SLIT3: variants seen among roughly 807,000 people sequenced by gnomAD.
The protein encoded by SLIT3 is slit homolog 3 protein.
Under a neutral mutation model 184.0 loss-of-function variants are expected in SLIT3, and 68 were observed. The ratio of observed to expected loss-of-function variants is 0.37; its 90% confidence interval spans 0.30 to 0.45. The LOEUF is 0.45. Ranked by LOEUF, SLIT3 falls within the 20% of genes least tolerant of loss-of-function variation. The probability of loss-of-function intolerance (pLI) is 1.00; values close to 1 mark genes in which losing one functional copy is unlikely to be tolerated. For missense variants in SLIT3, 1,707 were observed against 2,026.0 expected, an observed-to-expected ratio of 0.84 and a Z score of 3.02; for synonymous variants, 831 against 828.6, an observed-to-expected ratio of 1.00 and a Z score of -0.05.
intron 4 of SLIT3, among the ~76,000 whole-genome samples, chr5:169,101,098 T>C (rs1759993860): frequency 6.6e-6 from 1 of 152,228 alleles, no homozygotes; most frequent in Non-Finnish European, 1.5e-5. Flanking sequence ...CTGAGTGCCA[T>C]GGGAGGCTGA....
intron 8 of SLIT3, among the ~76,000 whole-genome samples, chr5:168,809,091 G>A (rs537117260): frequency 6.6e-6 from 1 of 152,254 alleles, no homozygotes; most frequent in Admixed American, 6.5e-5. Flanking sequence ...GGGAAAGAAA[G>A]ATACCATATT....
chr5:169,161,592 A>G (rs1432354361), intron 4 of SLIT3, among the ~76,000 whole-genome samples: 1 of 152,052 alleles, frequency 6.6e-6, no homozygotes, highest in African/African-American at 2.4e-5. Flanking sequence ...CCGGCTGACC[A>G]TACTGATATC....
chr5:168,866,175 C>T (rs759402828), intron 5 of SLIT3, among the ~76,000 whole-genome samples: 2 of 152,330 alleles, frequency 1.3e-5, no homozygotes, highest in East Asian at 1.9e-4. Context: ...AAAGTGCAGG[C>T]GGAGTCAGCA....
chr5:168,786,436 C>T (rs1425500358), intron 11 of SLIT3, among the ~76,000 whole-genome samples: 2 of 152,168 alleles, frequency 1.3e-5, no homozygotes, highest in Non-Finnish European at 2.9e-5. Flanking sequence ...GTCATTTAAT[C>T]ATCCATCTAG....
At position 168,935,206 on chromosome 5, in the gene SLIT3, C is replaced by T. The variant is rs1431470212; in HGVS notation, c.414-51870G>A. Among the ~76,000 whole-genome samples, 4 of 152,040 alleles carry T rather than the reference C, an allele frequency of 2.6e-5. No individual in the cohort carries two copies. The South Asian group carries it at 6.2e-4, about 24-fold the overall frequency. ...ATAACCCTATTAAAGAGGTATTGCC[C>T]TCATTTTTCAGATGAGAAGTTGAGA... On this transcript the variant is annotated intron_variant, in intron 4 of 35. Coordinates refer to ENST00000519560, the MANE Select transcript of SLIT3 (RefSeq NM_003062.4).
rs1184745178 is a variant in SLIT3, at chr5:168,749,601, G to A, written c.2008C>T (p.His670Tyr). 6.8e-6 allele frequency: 11 copies of A among 1,614,204 alleles called. No homozygotes were observed. Among genetic ancestry groups the A allele is most frequent in the Non-Finnish European group, 9.3e-6 (11 of 1,180,026 alleles). ...LLSNPFNCNC[H>Y]LAWLGKWLRK... ...AACCACTTGCCGAGCCAGGCCAGGTGGCAGTTGCAGTTGAAGGGGTTGGAC... is the reference window on the plus strand; with the variant it reads ...AACCACTTGCCGAGCCAGGCCAGGTAGCAGTTGCAGTTGAAGGGGTTGGAC... Residue 670 changes from histidine (H) to tyrosine (Y), a missense_variant, in exon 19 of 36, where the codon CAC becomes TAC. Physicochemically the swap from His to Tyr is moderately conservative, Grantham distance 83 (BLOSUM62 2). Transcript: ENST00000519560.
At chr5:168,905,310 A>G (rs1761011476) in intron 4 of SLIT3, among the ~76,000 whole-genome samples, 1 of 152,172 alleles carries the variant, frequency 6.6e-6, no homozygotes, top group South Asian at 2.1e-4. Flanking sequence ...GTGCAAATGT[A>G]CCTAGATCCT....
chr5:169,219,428 AC>A (rs1764550993), intron 3 of SLIT3, among the ~76,000 whole-genome samples: 1 of 152,374 alleles, frequency 6.6e-6, no homozygotes, highest in Admixed American at 6.5e-5. Flanking sequence ...AACTGAAGTT[AC>A]GTGTCATACA....
At position 168,933,295 on chromosome 5, in the gene SLIT3, G is replaced by C. The variant is rs899709463; in HGVS notation, c.414-49959C>G. Among the ~76,000 whole-genome samples the C allele has an allele frequency of 5.1e-4, 78 of 152,274 alleles. 1 individual carries two copies. The highest frequency in any genetic ancestry group is 2.9e-3 in the Admixed American group (45 of 15,294). On this transcript the variant is annotated intron_variant, in intron 4 of 35. Coordinates refer to ENST00000519560, the MANE Select transcript of SLIT3 (RefSeq NM_003062.4). The stretch of plus-strand genomic sequence containing the variant: ...GCGGTGGCTCAAGCCTGTAATCCTG[G>C]CACTTTGGGAGGCCAAGGCGGGTGG...
intron 4 of SLIT3, among the ~76,000 whole-genome samples, chr5:169,044,738 T>C (rs1002976882): frequency 4.6e-5 from 7 of 152,132 alleles, no homozygotes; most frequent in Non-Finnish European, 7.4e-5. Flanking sequence ...GTGAATCTTA[T>C]GTTAAACTAT....
intron 4 of SLIT3, among the ~76,000 whole-genome samples, chr5:169,140,920 C>A (rs995976143): frequency 6.6e-6 from 1 of 152,188 alleles, no homozygotes; most frequent in African/African-American, 2.4e-5. Context: ...TGGCCATCAC[C>A]CTACAGTAGA....
intron 20 of SLIT3, among the ~76,000 whole-genome samples, chr5:168,741,853 C>T (rs1397037479): frequency 2.8e-5 from 4 of 140,414 alleles, no homozygotes; most frequent in African/African-American, 5.4e-5. Flanking sequence ...AAGGATATAC[C>T]GCTGTTATCC....
intron 4 of SLIT3, among the ~76,000 whole-genome samples, chr5:168,970,809 G>T (rs143263257): frequency 6.6e-6 from 1 of 152,150 alleles, no homozygotes; most frequent in African/African-American, 2.4e-5. Context: ...ATGTTACCTT[G>T]GGCAGGGTAT....
At chr5:169,089,777 G>C (rs1318971000) in intron 4 of SLIT3, among the ~76,000 whole-genome samples, 1 of 152,316 alleles carries the variant, frequency 6.6e-6, no homozygotes, top group East Asian at 1.9e-4. Context: ...ACACTTGCCA[G>C]TGTTTGTAAC....
At chr5:168,957,229 CAA>C (rs369179350) in intron 4 of SLIT3, among the ~76,000 whole-genome samples, 12 of 121,444 alleles carry the variant, frequency 9.9e-5, no homozygotes, top group Non-Finnish European at 5.2e-5. Flanking sequence ...AAGTCTGTCT[CAA>C]AAAAAAAAAA....
chr5:169,193,972 G>A (rs111766038), intron 3 of SLIT3, among the ~76,000 whole-genome samples: 9,251 of 152,134 alleles, frequency 0.061, 436 homozygotes, highest in East Asian at 0.19. Context: ...GGTGGCTTAC[G>A]CCTGTAATCC....
intron 4 of SLIT3, among the ~76,000 whole-genome samples, chr5:169,054,259 C>T (rs1184823460): frequency 2.8e-5 from 4 of 144,212 alleles, no homozygotes; most frequent in South Asian, 2.2e-4. Context: ...AAGATAGAAG[C>T]GGAGATTGGG....
chr5:169,128,660 C>A lies in SLIT3; in HGVS notation c.413+64819G>T, dbSNP rs147601585. Reference sequence around the variant, plus strand: ...TGGCCAGGCTGGTTTGAACTCCAGACCTCAAGTGATCCACCTGTCTCGGCC... The same window carrying A: ...TGGCCAGGCTGGTTTGAACTCCAGAACTCAAGTGATCCACCTGTCTCGGCC... On this transcript the variant is annotated intron_variant, in intron 4 of 35. Coordinates refer to ENST00000519560, the MANE Select transcript of SLIT3 (RefSeq NM_003062.4). Among the ~76,000 whole-genome samples, 386 of 152,228 alleles carry A rather than the reference C, an allele frequency of 2.5e-3. 3 individuals are homozygous for A. The highest frequency in any genetic ancestry group is 3.0e-3 in the Non-Finnish European group (202 of 68,022).
At chr5:168,871,050 C>T (rs1377128813) in intron 5 of SLIT3, among the ~76,000 whole-genome samples, 1 of 152,194 alleles carries the variant, frequency 6.6e-6, no homozygotes, top group African/African-American at 2.4e-5. Context: ...AGTCCTAGAT[C>T]AGTTTCACTG....
Sources: gnomAD v4.1 joint callset for allele counts (sites outside exome capture counted in the v4.1 genomes callset) on GRCh38, gnomAD v4.1.1 for gene constraint, MANE v1.5 for transcripts, NCBI Gene and HGNC (gene_info 2026-07-23, HGNC 2026-07-21) for gene names.